Variants in PIK3C2G observed in about 807,000 individuals in gnomAD.
The protein encoded by PIK3C2G is phosphatidylinositol 3-kinase C2 domain-containing subunit gamma.
PIK3C2G carries 168 observed loss-of-function variants against 181.1 expected under a neutral mutation model. The ratio of observed to expected loss-of-function variants is 0.93; its 90% CI spans 0.82 to 1.05. The LOEUF is 1.05. Among genes scored for constraint, PIK3C2G ranks in the 50% least tolerant of loss-of-function variants. PIK3C2G has a pLI of 0.00. For missense variants in PIK3C2G, 1,869 were observed against 1,732.8 expected, an observed-to-expected ratio of 1.08 and a Z score of -1.40; for synonymous variants, 573 against 592.2, an observed-to-expected ratio of 0.97 and a Z score of 0.47.
chr12:18,624,074 A>G (rs998121246), intron 31 of PIK3C2G, among the ~76,000 whole-genome samples: 1 of 151,620 alleles, frequency 6.6e-6, no homozygotes, highest in Non-Finnish European at 1.5e-5. Flanking sequence ...TGCTATATTG[A>G]ATAGAAGTGG....
chr12:18,503,491 T>C, intron 23 of PIK3C2G, 74 bp downstream of exon 23: 1 of 1,115,624 alleles, frequency 9.0e-7, no homozygotes, highest in African/African-American at 1.6e-5. Context: ...GATATTCTGA[T>C]TTGTAGAAAA....
intron 20 of PIK3C2G, among the ~76,000 whole-genome samples, chr12:18,494,638 G>A (rs1397180715): frequency 6.6e-6 from 1 of 151,910 alleles, no homozygotes; most frequent in Admixed American, 6.6e-5. Context: ...CCCTGAACTT[G>A]GGATAACTCA....
At chr12:18,683,056 G>A in the PIK3C2G span, 1 of 624,014 alleles carries the variant, frequency 1.6e-6, no homozygotes, top group Non-Finnish European at 2.8e-6. Flanking sequence ...AGGACCCTCT[G>A]AAGTTTCTAT....
intron 30 of PIK3C2G, among the ~76,000 whole-genome samples, chr12:18,599,490 G>A (rs1352086153): frequency 1.3e-5 from 2 of 150,768 alleles, no homozygotes; most frequent in African/African-American, 4.9e-5. Context: ...ACACTCTGGG[G>A]ACTGTTGTGG....
chr12:18,556,642 A>G (rs1313785627), intron 26 of PIK3C2G, among the ~76,000 whole-genome samples: 3 of 152,144 alleles, frequency 2.0e-5, no homozygotes, highest in African/African-American at 7.2e-5. Flanking sequence ...TGTTTGTTGG[A>G]TCGATGTTCA....
intron 14 of PIK3C2G, among the ~76,000 whole-genome samples, chr12:18,386,311 T>C (rs879336424): frequency 3.3e-5 from 5 of 152,228 alleles, no homozygotes; most frequent in Non-Finnish European, 7.3e-5. Context: ...CATACCATAC[T>C]ATCCTCCCAT....
chr12:18,339,009 A>AT (rs940670873), intron 9 of PIK3C2G, among the ~76,000 whole-genome samples: 2 of 152,052 alleles, frequency 1.3e-5, no homozygotes, highest in Non-Finnish European at 2.9e-5. Context: ...GAAAAAATCA[A>AT]TTTTTGTGGT....
At chr12:18,361,914 G>A (rs1941266441) in intron 11 of PIK3C2G, among the ~76,000 whole-genome samples, 1 of 151,942 alleles carries the variant, frequency 6.6e-6, no homozygotes, top group South Asian at 2.1e-4. Context: ...TGGCTGACAA[G>A]GTATATAGGC....
intron 32 of PIK3C2G, among the ~76,000 whole-genome samples, chr12:18,647,359 C>T (rs1212129915): frequency 6.6e-6 from 1 of 151,552 alleles, no homozygotes; most frequent in African/African-American, 2.4e-5. Context: ...ACGTTCACTA[C>T]TTAGGCAACA....
At chr12:18,659,578 T>C in the PIK3C2G span, among the ~76,000 whole-genome samples, 2 of 152,002 alleles carry the variant, frequency 1.3e-5, no homozygotes, top group Admixed American at 1.3e-4. Context: ...TATTTTATAG[T>C]GAAAGGATAT....
chr12:18,519,040 GT>G (rs1321099126), intron 24 of PIK3C2G, among the ~76,000 whole-genome samples: 1 of 152,208 alleles, frequency 6.6e-6, no homozygotes, highest in Admixed American at 6.5e-5. Context: ...TAATTGTGTG[GT>G]TTTGAGTGAG....
At chr12:18,652,086 A>G (rs1190248062), downstream of PIK3C2G, among the ~76,000 whole-genome samples, 2 of 152,170 alleles carry the variant, frequency 1.3e-5, no homozygotes, top group African/African-American at 4.8e-5. Context: ...TCTGAGTATT[A>G]TGGACTAAAT....
At chr12:18,427,651 G>C (rs971430685) in intron 18 of PIK3C2G, among the ~76,000 whole-genome samples, 1 of 151,920 alleles carries the variant, frequency 6.6e-6, no homozygotes, top group Non-Finnish European at 1.5e-5. Context: ...GGAGTCATTT[G>C]AAAGGCAACA....
chr12:18,605,178 T>C (rs1947949374), intron 30 of PIK3C2G, among the ~76,000 whole-genome samples: 1 of 152,020 alleles, frequency 6.6e-6, no homozygotes, highest in Non-Finnish European at 1.5e-5. Flanking sequence ...TCCAAATAAC[T>C]TCATGGAGAA....
intron 1 of PIK3C2G, among the ~76,000 whole-genome samples, chr12:18,263,820 T>A (rs184936130): frequency 9.2e-5 from 14 of 152,290 alleles, no homozygotes; most frequent in African/African-American, 3.4e-4. Flanking sequence ...CTCATTTAGC[T>A]TTTTTTCTTA....
At chr12:18,693,640 C>T in the PIK3C2G span, 2,663 of 1,563,278 alleles carry the variant, frequency 1.7e-3, 43 homozygotes, top group African/African-American at 0.029. Context: ...ATGAAATTGA[C>T]GCCATTGGGA....
chr12:18,671,106 A>T, the PIK3C2G span, among the ~76,000 whole-genome samples: 2 of 151,358 alleles, frequency 1.3e-5, no homozygotes, highest in Admixed American at 1.3e-4. Flanking sequence ...GAGCCTGGGA[A>T]GTGGAGGTGA....
intron 18 of PIK3C2G, among the ~76,000 whole-genome samples, chr12:18,449,422 A>G (rs546632262): frequency 1.3e-5 from 2 of 152,152 alleles, no homozygotes; most frequent in Admixed American, 6.5e-5. Context: ...CACATGCATT[A>G]GGTATCTGTC....
intron 26 of PIK3C2G, among the ~76,000 whole-genome samples, chr12:18,547,553 C>G (rs191454663): frequency 6.6e-6 from 1 of 152,002 alleles, no homozygotes; most frequent in African/African-American, 2.4e-5. Flanking sequence ...TAGCAAGAAA[C>G]AGTGTCTGGT....
Sources: gnomAD v4.1 joint callset for allele counts (sites outside exome capture counted in the v4.1 genomes callset) on GRCh38, gnomAD v4.1.1 for gene constraint, MANE v1.5 for transcripts, NCBI Gene and HGNC (gene_info 2026-07-23, HGNC 2026-07-21) for gene names.